ABLIM2: variants seen among roughly 807,000 people sequenced by gnomAD.
The protein encoded by ABLIM2 is actin-binding LIM protein 2.
In ABLIM2, 53 loss-of-function variants were observed where a neutral mutation model predicts 97.7. The ratio of observed to expected loss-of-function variants is 0.54; its 90% confidence interval spans 0.44 to 0.68. The LOEUF is 0.68. Among genes scored for constraint, ABLIM2 ranks in the 30% least tolerant of loss-of-function variants. ABLIM2 has a pLI of 0.00. For missense variants in ABLIM2, 835 were observed against 867.2 expected, an observed-to-expected ratio of 0.96 and a Z score of 0.47; for synonymous variants, 361 against 345.8, an observed-to-expected ratio of 1.04 and a Z score of -0.49.
In ABLIM2 at chr4:8,009,054, C is replaced by T; in HGVS notation, c.1472G>A (p.Arg491Lys). The change falls in exon 15 of 21, where the codon AGG becomes AAG. Residue 491 changes from arginine (R) to lysine (K), a missense_variant. Arg to Lys is a conservative substitution (Grantham distance 26). Transcript: ENST00000447017. ...GEDGSLDQDN[R>K]KQKSSWLMLK... ...AGATCTGCTCCCTGGCATTACCTTC[C>T]TGTTATCCTGGTCCAAGCTTCCATC... 1 of 1,614,028 alleles carries T rather than the reference C, an allele frequency of 6.2e-7. No individual in the cohort carries two copies. Among genetic ancestry groups the T allele is most frequent in the South Asian group, 1.1e-5 (1 of 91,082 alleles).
At chr4:8,090,407 C>G (rs1826529172) in intron 3 of ABLIM2, among the ~76,000 whole-genome samples, 1 of 152,212 alleles carries the variant, frequency 6.6e-6, no homozygotes, top group African/African-American at 2.4e-5. Context: ...TTCATTCGCC[C>G]ACAGGACATC....
Position 7,992,425 on chromosome 4 carries a change from A to G in ABLIM2, c.1680+441T>C, listed in dbSNP as rs1749602430. Among the ~76,000 whole-genome samples the G allele has an allele frequency of 6.6e-6, 1 of 152,166 alleles. No individual in the cohort carries two copies. On this transcript the variant is annotated intron_variant, in intron 17 of 20. Coordinates refer to ENST00000447017, the MANE Select transcript of ABLIM2 (RefSeq NM_001130083.2). The surrounding 1 kb of genome is among the most constrained non-coding windows in gnomAD (Gnocchi z 5.7). ...AAGGATTATTTGGTGTCATCACGGTAACAGTAATAGCAGGGAAGGCCAGGG... is the reference window on the plus strand; with the variant it reads ...AAGGATTATTTGGTGTCATCACGGTGACAGTAATAGCAGGGAAGGCCAGGG...
At chr4:8,114,903 G>A (rs1425964443) in intron 1 of ABLIM2, among the ~76,000 whole-genome samples, 1 of 152,142 alleles carries the variant, frequency 6.6e-6, no homozygotes, top group Admixed American at 6.5e-5. Context: ...ACTCCTCCCG[G>A]GGCCCACCCA....
chr4:7,967,131 G>A (rs1426919635), intron 20 of ABLIM2, 28 bp from the exon 21 acceptor site: 5 of 1,589,178 alleles, frequency 3.1e-6, no homozygotes, highest in Non-Finnish European at 3.5e-6. Flanking sequence ...AAACAGAAGG[G>A]ACCAGTTAGC....
intron 1 of ABLIM2, among the ~76,000 whole-genome samples, chr4:8,107,847 A>C (rs1042272813): frequency 6.6e-6 from 1 of 152,192 alleles, no homozygotes; most frequent in Non-Finnish European, 1.5e-5. Flanking sequence ...GGGGCCTTAA[A>C]ATCAGATCAT....
rs1325544108 is a variant in ABLIM2 at position 7,983,299 on chromosome 4, T to A, written c.1789A>T (p.Lys597Ter). ...GTCCGGTCCACGTCTTTGGGCAGTT[T>A]CACGCGAATTCGGTTTGTGACGATG... ...SLIVTNRIRV[K>*]LPKDVDRTRL... Residue 597 changes from lysine to a stop codon, truncating the protein, a stop_gained, in exon 20 of 21, where the codon AAA becomes TAA. Transcript: ENST00000447017. LOFTEE classifies it high-confidence loss of function. 6.2e-7 allele frequency: 1 copy of A among 1,612,556 alleles called. No individual in the cohort carries two copies. The highest frequency in any genetic ancestry group is 8.5e-7 in the Non-Finnish European group (1 of 1,179,546).
intron 3 of ABLIM2, among the ~76,000 whole-genome samples, chr4:8,088,735 G>A (rs1204970987): frequency 2.6e-5 from 4 of 152,370 alleles, no homozygotes; most frequent in South Asian, 2.1e-4. Context: ...ACTGTGATAG[G>A]TGCCCTATAG....
At chr4:7,987,280 G>A (rs938707336) in intron 17 of ABLIM2, among the ~76,000 whole-genome samples, 1 of 151,670 alleles carries the variant, frequency 6.6e-6, no homozygotes, top group Non-Finnish European at 1.5e-5. Context: ...GCCTGGCCAT[G>A]CCTGGCTAAT....
rs1328806528 is a variant in ABLIM2, at chr4:8,008,093, A to T, written c.1584T>A (p.Pro528=). The T allele has an allele frequency of 3.7e-6, 6 of 1,613,854 alleles. No individual in the cohort carries two copies. The East Asian group carries it at 1.3e-4, about 36-fold the overall frequency. Reference sequence around the variant, plus strand: ...AGCTGTCCCCTGCCATCCTTTGGAGAGGGTCTCTGTCGGTCCCGCTGCTGT... The same window carrying T: ...AGCTGTCCCCTGCCATCCTTTGGAGTGGGTCTCTGTCGGTCCCGCTGCTGT... ...LSHSSGTDRD[P]LQRMAGDSFH... The change falls in exon 16 of 21, where the codon CCT becomes CCA. Residue 528 remains proline (P), a synonymous_variant. Coordinates refer to ENST00000447017, the MANE Select transcript of ABLIM2 (RefSeq NM_001130083.2).
At chr4:8,154,852 C>T (rs920186999) in intron 1 of ABLIM2, among the ~76,000 whole-genome samples, 3 of 152,198 alleles carry the variant, frequency 2.0e-5, no homozygotes, top group Admixed American at 2.0e-4. Flanking sequence ...GTTTCATGGA[C>T]TTACAGCTCC....
In ABLIM2 at chr4:8,125,887, G is replaced by A. The variant is rs751878198; in HGVS notation, c.11-19250C>T. ...AGGGCGAACTCACACTCGGCTGTGC[G>A]TGGGCAGCCTTGGGGGACCCGCCGC... is the stretch of plus-strand genomic sequence containing the variant. On this transcript the variant is annotated intron_variant, in intron 1 of 20. Coordinates refer to ENST00000447017, the MANE Select transcript of ABLIM2 (RefSeq NM_001130083.2). This position sits in a 1 kb window ranked among gnomAD's most constrained non-coding sequence, Gnocchi z 6.2. Among the ~76,000 whole-genome samples the A allele has an allele frequency of 2.0e-5, 3 of 152,198 alleles. No homozygotes were observed. The highest frequency in any genetic ancestry group is 3.9e-4 in the East Asian group (2 of 5,190).
chr4:7,965,616 T>G lies in ABLIM2; in HGVS notation c.*1374A>C, dbSNP rs1722657724. On this transcript the variant is annotated 3_prime_UTR_variant, in exon 21 of 21. Coordinates refer to ENST00000447017, the MANE Select transcript of ABLIM2 (RefSeq NM_001130083.2). ...ACCCACTGCGGACGGGGAAACAGAC[T>G]TTGGTGTTTCATCCACCTCTCAGCG... is the stretch of plus-strand genomic sequence containing the variant. 6.6e-6 allele frequency: 1 copy of G among 152,234 alleles called. No individual in the cohort carries two copies. Among genetic ancestry groups the G allele is most frequent in the Non-Finnish European group, 1.5e-5 (1 of 68,072 alleles). 9.4% of individuals were successfully genotyped at this position (152,234 alleles called of 1,614,324 possible). A position where few individuals can be genotyped will look rare whatever the true frequency, so the allele number is the denominator to read the frequency against.
intron 16 of ABLIM2, among the ~76,000 whole-genome samples, chr4:8,000,112 G>A (rs1254191278): frequency 6.6e-6 from 1 of 152,118 alleles, no homozygotes; most frequent in African/African-American, 2.4e-5. Context: ...CACGGGTTCA[G>A]GTCCCCTCTC....
At chr4:8,091,326 TATATTATATATATAATATATATATA>T (rs1827445972) in intron 3 of ABLIM2, among the ~76,000 whole-genome samples, 1 of 26,334 alleles carries the variant, frequency 3.8e-5, no homozygotes, top group Non-Finnish European at 6.0e-5. Context: ...TAATTATATA[TATATTATATATATAATATATATATA>T]ATTATATATA....
At chr4:8,028,541 ATTC>A (rs1413359053) in intron 11 of ABLIM2, among the ~76,000 whole-genome samples, 1 of 152,112 alleles carries the variant, frequency 6.6e-6, no homozygotes, top group African/African-American at 2.4e-5. Flanking sequence ...TCATTAATTC[ATTC>A]ACTCACCAAT....
chr4:8,039,317 T>C (rs1163557258), intron 9 of ABLIM2, among the ~76,000 whole-genome samples: 2 of 152,164 alleles, frequency 1.3e-5, no homozygotes, highest in African/African-American at 4.8e-5. Context: ...CCCCACAGCA[T>C]AGGGGGCCGC....
intron 11 of ABLIM2, 128 bp downstream of exon 11, chr4:8,029,528 T>C: frequency 1.4e-5 from 17 of 1,217,758 alleles, no homozygotes; most frequent in Non-Finnish European, 1.8e-5. Flanking sequence ...ATCCCACCCA[T>C]TTCCATCATA....
chr4:8,024,505 A>G (rs751929207), intron 12 of ABLIM2, among the ~76,000 whole-genome samples: 11 of 152,030 alleles, frequency 7.2e-5, no homozygotes, highest in Non-Finnish European at 1.5e-4. Context: ...ACGCCAGAGG[A>G]GCCCGGGGAG....
chr4:7,991,855 C>A (rs1413604627), intron 17 of ABLIM2, among the ~76,000 whole-genome samples: 3 of 152,140 alleles, frequency 2.0e-5, no homozygotes, highest in African/African-American at 7.2e-5. Flanking sequence ...CAAGAGGACA[C>A]CCACGGCTTC....
Sources: gnomAD v4.1 joint callset for allele counts (sites outside exome capture counted in the v4.1 genomes callset) on GRCh38, gnomAD v4.1.1 for gene constraint, Gnocchi (gnomAD v3.1) non-coding constraint, MANE v1.5 for transcripts, NCBI Gene and HGNC (gene_info 2026-07-23, HGNC 2026-07-21) for gene names.